SND1: variants seen among roughly 807,000 people sequenced by gnomAD.
SND1 encodes staphylococcal nuclease and tudor domain containing 1.
A neutral mutation model predicts 121.7 loss-of-function variants in SND1; 38 were observed. That is an observed-to-expected ratio of 0.31 (90% confidence interval 0.24 to 0.41). The LOEUF is 0.41. Ranked by LOEUF, SND1 falls within the 10% of genes least tolerant of loss-of-function variation. SND1 has a pLI of 1.00. For missense variants in SND1, 868 were observed against 1,184.6 expected (o/e 0.73, Z 3.92); for synonymous variants, 401 against 447.4 (o/e 0.90, Z 1.31).
At chr7:127,933,409 T>G (rs1312932601) in intron 15 of SND1, among the ~76,000 whole-genome samples, 1 of 152,230 alleles carries the variant, frequency 6.6e-6, no homozygotes. Flanking sequence ...CCTGCCATAG[T>G]GTGTGCTGTT....
chr7:127,986,380 A>G (rs891474061), intron 15 of SND1, among the ~76,000 whole-genome samples: 1 of 152,228 alleles, frequency 6.6e-6, no homozygotes, highest in Non-Finnish European at 1.5e-5. Flanking sequence ...GAGGAATCTC[A>G]AAAGGGTATA....
At chr7:127,730,684 T>G (rs1796659378) in intron 10 of SND1, among the ~76,000 whole-genome samples, 1 of 152,218 alleles carries the variant, frequency 6.6e-6, no homozygotes, top group African/African-American at 2.4e-5. Context: ...CTACTCAGTT[T>G]GATTTTTCTG....
chr7:127,684,471 T>C (rs1795779599), intron 1 of SND1, among the ~76,000 whole-genome samples: 1 of 152,232 alleles, frequency 6.6e-6, no homozygotes, highest in South Asian at 2.1e-4. Flanking sequence ...GTGTGTTTTG[T>C]TTCTACCACT....
At chr7:128,023,274 C>T (rs1022509527) in intron 16 of SND1, among the ~76,000 whole-genome samples, 1 of 152,186 alleles carries the variant, frequency 6.6e-6, no homozygotes, top group African/African-American at 2.4e-5. Flanking sequence ...TCAGTGCTAC[C>T]TTCTTCCTCC....
In SND1 at chr7:127,806,269, T is replaced by C. The variant is rs192516516; in HGVS notation, c.1153-1215T>C. On this transcript the variant is annotated intron_variant, in intron 10 of 23. Transcript: ENST00000354725. ...TTTATCCTCCCTTTCTACACCATTG[T>C]CAGTTCCCGTTAATTCATTTCTTCA... is the stretch of plus-strand genomic sequence containing the variant. Among the ~76,000 whole-genome samples, 44 of 152,324 alleles carry C rather than the reference T, an allele frequency of 2.9e-4. No homozygotes were observed. The East Asian group carries it at 8.1e-3, about 28-fold the overall frequency.
chr7:127,721,379 G>C lies in SND1; in HGVS notation c.1131G>C (p.Arg377Ser). Residue 377 changes from arginine (R) to serine (S), a missense_variant, in exon 10 of 24, where the codon AGG (arginine) becomes AGC (serine). By Grantham distance (110) the Arg-to-Ser change is moderately radical. This residue lies in a region of SND1 where 743 missense variants were observed against 1,071.3 expected (regional missense o/e 0.69). Coordinates refer to ENST00000354725, the MANE Select transcript of SND1 (RefSeq NM_014390.4). ...TIHLSSIRPP[R>S]LEGENTQDKN... ...ACCTGTCCAGCATCCGACCACCGAGGCTGGAGGGGGAGAACACCCAGGTGA... is the reference window on the plus strand; with the variant it reads ...ACCTGTCCAGCATCCGACCACCGAGCCTGGAGGGGGAGAACACCCAGGTGA... 3.1e-6 allele frequency: 5 copies of C among 1,611,424 alleles called. No homozygotes were observed. The highest frequency in any genetic ancestry group is 4.2e-6 in the Non-Finnish European group (5 of 1,179,092).
chr7:127,781,772 T>C (rs1020246718), intron 10 of SND1, among the ~76,000 whole-genome samples: 3 of 152,218 alleles, frequency 2.0e-5, no homozygotes, highest in Non-Finnish European at 4.4e-5. Context: ...GCAATCATAA[T>C]GAAATGTCAA....
intron 12 of SND1, among the ~76,000 whole-genome samples, chr7:127,882,637 G>A (rs1157145011): frequency 6.7e-6 from 1 of 150,068 alleles, no homozygotes; most frequent in African/African-American, 2.4e-5. Flanking sequence ...GGGAGGGAGA[G>A]AAAGTGGAAT....
intron 11 of SND1, among the ~76,000 whole-genome samples, chr7:127,817,803 T>G (rs1371539606): frequency 6.6e-6 from 1 of 150,558 alleles, no homozygotes; most frequent in Non-Finnish European, 1.5e-5. Context: ...AAGTCTGGTG[T>G]TCTTTGTCCT....
Position 127,797,572 on chromosome 7 carries a change from C to T in SND1, c.1153-9912C>T, listed in dbSNP as rs764469845. Among the ~76,000 whole-genome samples the T allele has an allele frequency of 7.9e-5, 12 of 152,212 alleles. 1 individual carries two copies. The South Asian group carries it at 2.5e-3, about 32-fold the overall frequency. On this transcript the variant is annotated intron_variant, in intron 10 of 23. Transcript: ENST00000354725. ...TTCGGGGGTGGGAAATGTTTGTGTC[C>T]GGTTACATGTTGGAAGCCATGCCTG...
intron 12 of SND1, among the ~76,000 whole-genome samples, chr7:127,863,166 G>A (rs1190317806): frequency 6.6e-6 from 1 of 152,118 alleles, no homozygotes; most frequent in Non-Finnish European, 1.5e-5. Flanking sequence ...AATGCTTACT[G>A]TGCGCCAGGC....
chr7:127,974,688 GA>G (rs1409975303), intron 15 of SND1, among the ~76,000 whole-genome samples: 16 of 152,174 alleles, frequency 1.1e-4, no homozygotes, highest in African/African-American at 1.9e-4. Flanking sequence ...GTGAATTCAA[GA>G]ATATAGGATT....
At chr7:127,894,380 C>T (rs1460444710) in intron 13 of SND1, among the ~76,000 whole-genome samples, 2 of 149,380 alleles carry the variant, frequency 1.3e-5, no homozygotes, top group Non-Finnish European at 3.0e-5. Flanking sequence ...GTAATGTGTG[C>T]CTTAAAAAAA....
intron 12 of SND1, among the ~76,000 whole-genome samples, chr7:127,873,891 ACT>A (rs2116704966): frequency 6.6e-6 from 1 of 152,054 alleles, no homozygotes; most frequent in South Asian, 2.1e-4. Flanking sequence ...AACAACAACA[ACT>A]CTGACTATTC....
intron 16 of SND1, chr7:128,028,045 C>T (rs1803530161): frequency 6.5e-6 from 1 of 152,748 alleles, no homozygotes; most frequent in Non-Finnish European, 1.5e-5. Context: ...GACAAAGACT[C>T]AGCCCCTTTA....
intron 9 of SND1, among the ~76,000 whole-genome samples, chr7:127,714,049 TG>T (rs1226938579): frequency 6.6e-6 from 1 of 151,472 alleles, no homozygotes; most frequent in Non-Finnish European, 1.5e-5. Flanking sequence ...CCTTGGGCAT[TG>T]CAGATTTCAC....
At chr7:127,998,401 G>C (rs916620046) in intron 16 of SND1, 1 of 162,284 alleles carries the variant, frequency 6.2e-6, no homozygotes, top group African/African-American at 2.4e-5. Flanking sequence ...ATGAGATAAT[G>C]ATGAGTGTTT....
At chr7:127,656,426 G>T (rs144853709) in intron 1 of SND1, among the ~76,000 whole-genome samples, 2 of 151,102 alleles carry the variant, frequency 1.3e-5, no homozygotes, top group African/African-American at 4.9e-5. Flanking sequence ...GGGTTCAAGC[G>T]ATTCTCCTGC....
chr7:127,945,164 C>T (rs897306324), intron 15 of SND1, among the ~76,000 whole-genome samples: 1 of 152,188 alleles, frequency 6.6e-6, no homozygotes, highest in Non-Finnish European at 1.5e-5. Context: ...AATGAATGAG[C>T]ACTGATGTTT....
Sources: allele counts gnomAD v4.1 joint callset (sites outside exome capture counted in the v4.1 genomes callset), GRCh38; gene constraint gnomAD v4.1.1; regional missense constraint gnomAD v4.1.1; transcripts MANE v1.5; gene names NCBI Gene and HGNC (gene_info 2026-07-23, HGNC 2026-07-21).